The following USP43 variants were observed in gnomAD, a reference collection of about 807,000 sequenced individuals.
USP43 encodes ubiquitin specific peptidase 43, also known as ubiquitin carboxyl-terminal hydrolase 43.
USP43 carries 33 observed loss-of-function variants against 90.7 expected under a neutral mutation model. The ratio of observed to expected loss-of-function variants is 0.36; its 90% CI spans 0.28 to 0.49. USP43 has a LOEUF of 0.49. Ranked by LOEUF, USP43 falls within the 20% of genes least tolerant of loss-of-function variation. USP43 has a pLI of 0.98. For missense variants in USP43, 1,274 were observed against 1,476.4 expected, an observed-to-expected ratio of 0.86 and a Z score of 2.25; for synonymous variants, 598 against 615.8, an observed-to-expected ratio of 0.97 and a Z score of 0.43.
Position 9,728,235 on chromosome 17 carries a change from C to T in USP43, c.2617C>T (p.Pro873Ser), listed in dbSNP as rs1207425348. 2.5e-6 allele frequency: 4 copies of T among 1,613,764 alleles called. No homozygotes were observed. The highest frequency in any genetic ancestry group is 2.7e-5 in the African/African-American group (2 of 74,918). ...SASPRSNVAL[P>S]ANSEDGGRAI... ...ATCGCCGAGGTCCAACGTCGCCCTTCCTGCTAACAGCGAAGATGGTGGGCG... is the reference window on the plus strand; with the variant it reads ...ATCGCCGAGGTCCAACGTCGCCCTTTCTGCTAACAGCGAAGATGGTGGGCG... The change falls in exon 15 of 15, where the codon CCT becomes TCT. Residue 873 changes from proline to serine, a missense_variant. By Grantham distance (74) the Pro-to-Ser change is moderately conservative. This residue lies in a region of USP43 where 353 missense variants were observed against 329.7 expected (regional missense o/e 1.07). Transcript: ENST00000285199. This position sits in a 1 kb window ranked among gnomAD's most constrained non-coding sequence, Gnocchi z 6.2.
At chr17:9,723,614 C>T (rs1446460281) in intron 14 of USP43, among the ~76,000 whole-genome samples, 1 of 129,690 alleles carries the variant, frequency 7.7e-6, no homozygotes, top group Admixed American at 8.9e-5. Context: ...GATGGAGTTT[C>T]GCTCTGTGGC....
At chr17:9,704,246 T>C (rs7217478) in intron 12 of USP43, among the ~76,000 whole-genome samples, 34,352 of 152,122 alleles carry the variant, frequency 0.23, 6,671 homozygotes, top group African/African-American at 0.52. Flanking sequence ...GACCTGCATT[T>C]AGGGGACCTG....
In USP43 at chr17:9,727,915, G is replaced by C. The variant is rs1350479852; in HGVS notation, c.2336-39G>C. 4.5e-6 allele frequency: 7 copies of C among 1,560,188 alleles called. No homozygotes were observed. The East Asian group carries it at 1.1e-4, about 25-fold the overall frequency. ...TTAGATGACTGGCATTTCAGCTGTA[G>C]GGTGGCTTGTACACTGACAGTCTCT... On this transcript the variant is annotated intron_variant, in intron 14 of 14. Coordinates refer to ENST00000285199, the MANE Select transcript of USP43 (RefSeq NM_153210.5).
chr17:9,707,326 A>G (rs756535210), intron 12 of USP43, among the ~76,000 whole-genome samples: 3 of 152,178 alleles, frequency 2.0e-5, no homozygotes, highest in Non-Finnish European at 2.9e-5. Flanking sequence ...GGTCCATTCT[A>G]TTCCAGAATA....
At position 9,728,805 on chromosome 17, in the gene USP43, G is replaced by T; in HGVS notation, c.3187G>T (p.Val1063Phe). Residue 1063 changes from valine (V) to phenylalanine (F), a missense_variant, in exon 15 of 15, where the codon GTC (valine) becomes TTC (phenylalanine). By Grantham distance (50) the Val-to-Phe change is conservative. Around this residue, in one of 6 missense-constraint regions of USP43, gnomAD observed 353 missense variants for 329.7 expected, o/e 1.07. Transcript: ENST00000285199. This position sits in a 1 kb window ranked among gnomAD's most constrained non-coding sequence, Gnocchi z 6.2. ...RGLGSRLERD[V>F]WSAPSSLRLP... is the part of the protein sequence containing the mutation. Reference sequence around the variant, plus strand: ...CCTGGGCAGCCGGCTCGAGAGGGATGTCTGGTCAGCCCCCAGCTCTCTCCG... The same window carrying T: ...CCTGGGCAGCCGGCTCGAGAGGGATTTCTGGTCAGCCCCCAGCTCTCTCCG... 1 of 1,612,744 alleles carries T rather than the reference G, an allele frequency of 6.2e-7. No homozygotes were observed. The highest frequency in any genetic ancestry group is 8.5e-7 in the Non-Finnish European group (1 of 1,179,342).
At chr17:9,658,055 G>A (rs1408666103) in intron 2 of USP43, among the ~76,000 whole-genome samples, 3 of 152,134 alleles carry the variant, frequency 2.0e-5, no homozygotes, top group Admixed American at 6.5e-5. Context: ...ACCTTTTGAC[G>A]TATCACATGG....
At chr17:9,716,895 G>A (rs1403994738) in intron 14 of USP43, among the ~76,000 whole-genome samples, 1 of 152,138 alleles carries the variant, frequency 6.6e-6, no homozygotes, top group Admixed American at 6.5e-5. Context: ...CAGCACTTTG[G>A]GAGGCCGAGG....
chr17:9,723,591 T>TTTTC (rs1917093095), intron 14 of USP43, among the ~76,000 whole-genome samples: 1 of 116,054 alleles, frequency 8.6e-6, no homozygotes, highest in Non-Finnish European at 1.8e-5. Context: ...TTTTCTTTTC[T>TTTTC]TTTTTTTTTT....
intron 1 of USP43, among the ~76,000 whole-genome samples, chr17:9,652,598 T>C (rs1911952236): frequency 6.6e-6 from 1 of 152,098 alleles, no homozygotes; most frequent in African/African-American, 2.4e-5. Flanking sequence ...CCTGACCTCG[T>C]TTCCTGCCTG....
rs146582201 is a variant in USP43 at position 9,657,790 on chromosome 17, T to C, written c.636+1256T>C. Among the ~76,000 whole-genome samples, 462 of 152,256 alleles carry C rather than the reference T, an allele frequency of 3.0e-3. 1 individual carries two copies. Among genetic ancestry groups the C allele is most frequent in the South Asian group, 7.9e-3 (38 of 4,814 alleles). On this transcript the variant is annotated intron_variant, in intron 2 of 14. Coordinates refer to ENST00000285199, the MANE Select transcript of USP43 (RefSeq NM_153210.5). ...CTATCACCTCCCACCAGGCCCTCCC[T>C]CCACATGTGGGGATTATGGGGATTA...
rs191692668 is a variant in USP43, at chr17:9,695,647, A to G, written c.1457+2417A>G. On this transcript the variant is annotated intron_variant, in intron 9 of 14. Coordinates refer to ENST00000285199, the MANE Select transcript of USP43 (RefSeq NM_153210.5). ...CACTTAGGGCCAAAATTACATTTTA[A>G]CCACTTGAAAGTGTACAGTTCAGTG... Among the ~76,000 whole-genome samples, 166 of 152,232 alleles carry G rather than the reference A, an allele frequency of 1.1e-3. 1 individual carries two copies. The highest frequency in any genetic ancestry group is 3.9e-3 in the African/African-American group (161 of 41,558).
intron 12 of USP43, among the ~76,000 whole-genome samples, chr17:9,703,452 G>A (rs1915689879): frequency 6.6e-6 from 1 of 152,240 alleles, no homozygotes; most frequent in Admixed American, 6.5e-5. Flanking sequence ...ACATTAAAGA[G>A]CAGAATGCCC....
At chr17:9,681,937 G>T (rs570890470) in intron 6 of USP43, among the ~76,000 whole-genome samples, 1 of 152,314 alleles carries the variant, frequency 6.6e-6, no homozygotes, top group East Asian at 1.9e-4. Flanking sequence ...ACAGGGAGAT[G>T]CTGGGCATTG....
At chr17:9,650,472 G>A (rs1177008975) in intron 1 of USP43, among the ~76,000 whole-genome samples, 2 of 151,970 alleles carry the variant, frequency 1.3e-5, no homozygotes, top group African/African-American at 4.8e-5. Context: ...GCGCTATCTC[G>A]GCTCACTGCA....
chr17:9,723,298 C>G (rs1245093173), intron 14 of USP43, among the ~76,000 whole-genome samples: 1 of 152,042 alleles, frequency 6.6e-6, no homozygotes, highest in Non-Finnish European at 1.5e-5. Context: ...TGCCTAGGTG[C>G]GGGTTTTTGT....
intron 14 of USP43, among the ~76,000 whole-genome samples, chr17:9,716,303 G>A (rs1916569568): frequency 6.6e-6 from 1 of 152,002 alleles, no homozygotes; most frequent in East Asian, 1.9e-4. Flanking sequence ...ATATATATAA[G>A]TATATGTAAG....
Position 9,701,810 on chromosome 17 carries a change from C to A in USP43, c.2011+110C>A. On this transcript the variant is annotated intron_variant, in intron 12 of 14. Transcript: ENST00000285199. The surrounding 1 kb of genome is among the most constrained non-coding windows in gnomAD (Gnocchi z 7.2). Reference sequence around the variant, plus strand: ...GCTCCCTGGGGCACTTATTGAGATCCGACCCCTCACCCACCGCACACCAGG... The same window carrying A: ...GCTCCCTGGGGCACTTATTGAGATCAGACCCCTCACCCACCGCACACCAGG... The A allele has an allele frequency of 1.1e-6, 1 of 917,348 alleles. No homozygotes were observed. Among genetic ancestry groups the A allele is most frequent in the Non-Finnish European group, 1.6e-6 (1 of 630,968 alleles). 56.8% of individuals were successfully genotyped at this position (917,348 alleles called of 1,614,324 possible). A position where few individuals can be genotyped will look rare whatever the true frequency, so the allele number is the denominator to read the frequency against.
intron 14 of USP43, among the ~76,000 whole-genome samples, chr17:9,714,557 C>T (rs1252557733): frequency 6.6e-6 from 1 of 151,914 alleles, no homozygotes; most frequent in African/African-American, 2.4e-5. Context: ...GTGGCGCACG[C>T]CTGTAATCCC....
At chr17:9,658,184 G>A (rs1244314282) in intron 2 of USP43, among the ~76,000 whole-genome samples, 1 of 152,152 alleles carries the variant, frequency 6.6e-6, no homozygotes, top group Non-Finnish European at 1.5e-5. Context: ...AAAGTGCTTA[G>A]ATCTTTCAAC....
Sources: allele counts gnomAD v4.1 joint callset (sites outside exome capture counted in the v4.1 genomes callset), GRCh38; gene constraint gnomAD v4.1.1; regional missense constraint gnomAD v4.1.1; non-coding constraint Gnocchi (gnomAD v3.1); transcripts MANE v1.5; gene names NCBI Gene and HGNC (gene_info 2026-07-23, HGNC 2026-07-21).